SGCG: variants seen among roughly 807,000 people sequenced by gnomAD.
The protein encoded by SGCG is gamma-sarcoglycan.
A neutral mutation model predicts 29.3 loss-of-function variants in SGCG; 26 were observed. That is an observed-to-expected ratio of 0.89 (90% CI 0.65 to 1.23). The LOEUF (loss-of-function observed/expected upper bound fraction) is 1.23, where lower values mean the gene tolerates loss of function less well. Ranked by LOEUF, SGCG falls within the 50% of genes most tolerant of loss-of-function variation. The pLI, the probability that SGCG is intolerant of heterozygous loss-of-function variation, is 0.00. For missense variants in SGCG, 353 were observed against 356.0 expected (o/e 0.99, Z 0.07); for synonymous variants, 145 against 129.7 (o/e 1.12, Z -0.80).
chr13:23,230,758 T>C lies in SGCG; in HGVS notation c.196-3853T>C, dbSNP rs868290740. 2.0e-5 allele frequency among the ~76,000 whole-genome samples: 3 copies of C among 150,410 alleles called. No homozygotes were observed. The South Asian group carries it at 6.3e-4, about 31-fold the overall frequency. On this transcript the variant is annotated intron_variant, in intron 2 of 7. Coordinates refer to ENST00000218867, the MANE Select transcript of SGCG (RefSeq NM_000231.3). ...GGATTACTTTGACTTCCTCTCCTCC[T>C]ATTTGGATACCTTTTCTTTCTTTCT...
intron 2 of SGCG, chr13:23,217,477 C>T (rs1474363337): frequency 1.3e-5 from 2 of 151,936 alleles, no homozygotes; most frequent in Non-Finnish European, 2.9e-5. Context: ...CCTTATAAGG[C>T]GCCACGTCAA....
chr13:23,215,064 T>C (rs571176935), intron 2 of SGCG, among the ~76,000 whole-genome samples: 2 of 152,330 alleles, frequency 1.3e-5, no homozygotes, highest in African/African-American at 4.8e-5. Flanking sequence ...TCTTTTATTA[T>C]AATTTTTATG....
rs578211316 is a variant in SGCG at position 23,208,659 on chromosome 13, C to T, written c.195+4770C>T. ...GATGTAAGATAAATTTTCACAATTT[C>T]CAGGAAAGACATCTGTTGAATATAA... On this transcript the variant is annotated intron_variant, in intron 2 of 7. Coordinates refer to ENST00000218867, the MANE Select transcript of SGCG (RefSeq NM_000231.3). Among the ~76,000 whole-genome samples the T allele has an allele frequency of 5.9e-5, 9 of 152,154 alleles. No individual in the cohort carries two copies. In the South Asian group the frequency reaches 1.9e-3, roughly 32 times the overall value.
the SGCG span, among the ~76,000 whole-genome samples, chr13:23,163,684 T>G: frequency 3.3e-5 from 5 of 152,228 alleles, no homozygotes; most frequent in African/African-American, 1.2e-4. Context: ...TACACTGTTT[T>G]TTGTCTAGTA....
Position 23,295,472 on chromosome 13 carries a change from C to T in SGCG, c.563C>T (p.Pro188Leu), listed in dbSNP as rs753806016. ...SVETPLVRAD[P>L]FQDLRLESPT... ...GAGACACCCCTTGTCAGAGCCGACC[C>T]GTTTCAAGACCTTAGGTAAGAATTT... The change falls in exon 6 of 8, where the codon CCG (proline) becomes CTG (leucine). Residue 188 changes from proline to leucine, a missense_variant. Pro to Leu is a moderately conservative substitution (Grantham distance 98). Coordinates refer to ENST00000218867, the MANE Select transcript of SGCG (RefSeq NM_000231.3). 54 of 1,613,214 alleles carry T rather than the reference C, an allele frequency of 3.3e-5. No individual in the cohort carries two copies. The highest frequency in any genetic ancestry group is 1.1e-4 in the South Asian group (10 of 91,074).
chr13:23,164,885 C>T, the SGCG span, among the ~76,000 whole-genome samples: 1 of 152,164 alleles, frequency 6.6e-6, no homozygotes, highest in Non-Finnish European at 1.5e-5. Context: ...CAGTGACACC[C>T]TCCATCTGGG....
intron 4 of SGCG, among the ~76,000 whole-genome samples, chr13:23,276,303 G>A (rs905684239): frequency 3.9e-5 from 6 of 151,964 alleles, no homozygotes; most frequent in Non-Finnish European, 8.8e-5. Flanking sequence ...AACATGCAGG[G>A]TCTATTTTTA....
intron 4 of SGCG, among the ~76,000 whole-genome samples, chr13:23,275,136 T>TAC (rs1246651591): frequency 1.4e-5 from 2 of 147,454 alleles, no homozygotes; most frequent in Non-Finnish European, 1.5e-5. Flanking sequence ...TATATATATA[T>TAC]ATATATAGAA....
At chr13:23,188,641 G>A (rs1167784235) in intron 1 of SGCG, among the ~76,000 whole-genome samples, 2 of 151,916 alleles carry the variant, frequency 1.3e-5, no homozygotes. Flanking sequence ...TAACATATTT[G>A]TCGCATTCAC....
chr13:23,304,165 A>G (rs1391887224), intron 6 of SGCG, among the ~76,000 whole-genome samples: 7 of 152,186 alleles, frequency 4.6e-5, no homozygotes, highest in African/African-American at 1.7e-4. Context: ...TATGTTTTAA[A>G]TAATTTTTCC....
intron 2 of SGCG, among the ~76,000 whole-genome samples, chr13:23,210,806 T>C (rs1878169348): frequency 6.6e-6 from 1 of 152,210 alleles, no homozygotes; most frequent in Non-Finnish European, 1.5e-5. Context: ...TATCGTTATT[T>C]CAGTGATTTC....
intron 2 of SGCG, among the ~76,000 whole-genome samples, chr13:23,233,754 G>C (rs950397393): frequency 6.6e-6 from 1 of 152,140 alleles, no homozygotes; most frequent in Non-Finnish European, 1.5e-5. Flanking sequence ...AATAGTAATG[G>C]AAGCCAATTC....
At chr13:23,232,303 G>A (rs1407862380) in intron 2 of SGCG, among the ~76,000 whole-genome samples, 1 of 152,094 alleles carries the variant, frequency 6.6e-6, no homozygotes, top group Non-Finnish European at 1.5e-5. Context: ...CTTGTTAATG[G>A]AGCTTTCAAC....
intron 1 of SGCG, among the ~76,000 whole-genome samples, chr13:23,189,731 T>C (rs937637684): frequency 1.3e-5 from 2 of 152,102 alleles, no homozygotes; most frequent in East Asian, 3.8e-4. Context: ...TATGAGAAGA[T>C]AGATGCAATT....
chr13:23,183,229 C>G (rs543257654), intron 1 of SGCG, among the ~76,000 whole-genome samples: 1 of 152,224 alleles, frequency 6.6e-6, no homozygotes, highest in Admixed American at 6.5e-5. Flanking sequence ...TAGAAAGTTT[C>G]TGACTTCTTA....
rs1536728 is a variant in SGCG, at chr13:23,320,611, T to A, written c.579-26T>A. Reference sequence around the variant, plus strand: ...TATTTTTAATACTTTTTTTTTTTTTTTTTGTGCTTCTTTTCCTCATCTCAG... The same window carrying A: ...TATTTTTAATACTTTTTTTTTTTTTATTTGTGCTTCTTTTCCTCATCTCAG... On this transcript the variant is annotated intron_variant, in intron 6 of 7. Coordinates refer to ENST00000218867, the MANE Select transcript of SGCG (RefSeq NM_000231.3). 201 of 1,472,242 alleles carry A rather than the reference T, an allele frequency of 1.4e-4. 7 individuals carry two copies. In the South Asian group the frequency reaches 2.5e-3, roughly 18 times the overall value. The allele number at this position is 1,472,242 out of a possible 1,614,324, so 91.2% of individuals were successfully genotyped here.
rs1456701532 is a variant in SGCG at position 23,250,700 on chromosome 13, C to A, written c.368C>A (p.Thr123Lys). 1 of 1,610,768 alleles carries A rather than the reference C, an allele frequency of 6.2e-7. No homozygotes were observed. Among genetic ancestry groups the A allele is most frequent in the African/African-American group, 1.3e-5 (1 of 74,984 alleles). ...VNARNSEGEV[T>K]GRLKVGPKMV... Reference sequence around the variant, plus strand: ...GCGCGCAACTCAGAAGGGGAGGTCACAGGCAGGTTAAAAGTCGGTGAGTCC... The same window carrying A: ...GCGCGCAACTCAGAAGGGGAGGTCAAAGGCAGGTTAAAAGTCGGTGAGTCC... Residue 123 changes from threonine to lysine, a missense_variant, in exon 4 of 8, where the codon ACA (threonine) becomes AAA (lysine). By Grantham distance (78) the Thr-to-Lys change is moderately conservative. Transcript: ENST00000218867.
chr13:23,286,447 A>C (rs1376857216), intron 5 of SGCG, among the ~76,000 whole-genome samples: 2 of 152,224 alleles, frequency 1.3e-5, no homozygotes, highest in African/African-American at 4.8e-5. Flanking sequence ...CGGTAACCTT[A>C]ACTTCACAAG....
In SGCG at chr13:23,183,737, C is replaced by T. The variant is rs574672211; in HGVS notation, c.-1+2662C>T. Reference sequence around the variant, plus strand: ...AGGCTGGAGTGCAGTGGCATGATCTCGGCTCACTGCAAACTCACCTCCCGG... The same window carrying T: ...AGGCTGGAGTGCAGTGGCATGATCTTGGCTCACTGCAAACTCACCTCCCGG... On this transcript the variant is annotated intron_variant, in intron 1 of 7. Coordinates refer to ENST00000218867, the MANE Select transcript of SGCG (RefSeq NM_000231.3). 1.6e-4 allele frequency among the ~76,000 whole-genome samples: 25 copies of T among 152,188 alleles called. No homozygotes were observed. The South Asian group carries it at 4.4e-3, about 26-fold the overall frequency.
Sources: allele counts gnomAD v4.1 joint callset (sites outside exome capture counted in the v4.1 genomes callset), GRCh38; gene constraint gnomAD v4.1.1; transcripts MANE v1.5; gene names NCBI Gene and HGNC (gene_info 2026-07-23, HGNC 2026-07-21).